The following SOD2 variants were observed in gnomAD, a reference collection of about 807,000 sequenced individuals.
The protein encoded by SOD2 is superoxide dismutase 2.
SOD2 carries 11 observed loss-of-function variants against 27.0 expected under a neutral mutation model. The observed-to-expected ratio is 0.41, with a 90% CI of 0.26 to 0.67. SOD2 has a LOEUF of 0.67. Among genes scored for constraint, SOD2 ranks in the 30% least tolerant of loss-of-function variants. The pLI is 0.34. For missense variants in SOD2, 250 were observed against 274.5 expected (o/e 0.91, Z 0.63); for synonymous variants, 105 against 103.0 (o/e 1.02, Z -0.12).
intron 2 of SOD2, among the ~76,000 whole-genome samples, chr6:159,689,850 C>T (rs1421582982): frequency 6.6e-6 from 1 of 152,090 alleles, no homozygotes; most frequent in Non-Finnish European, 1.5e-5. Flanking sequence ...ATCCCAGCTA[C>T]TCAGGAGCAT....
chr6:159,727,169 G>A, exon 1 of SOD2: 2 of 1,201,626 alleles, frequency 1.7e-6, no homozygotes, highest in Non-Finnish European at 2.1e-6. Context: ...CTCGCGCCAG[G>A]CTCCTGGGAA....
Position 159,710,769 on chromosome 6 carries a change from T to A in SOD2, c.-116+16360A>T, listed in dbSNP as rs773144814. On this transcript the variant is annotated intron_variant, in intron 1 of 2. Coordinates refer to the SOD2 transcript ENST00000401980. Reference sequence around the variant, plus strand: ...AACCACCACTCATACTGCTCTGACCTCCATAACCACCACTCAGCTGCTCTG... The same window carrying A: ...AACCACCACTCATACTGCTCTGACCACCATAACCACCACTCAGCTGCTCTG... 5.6e-4 allele frequency among the ~76,000 whole-genome samples: 70 copies of A among 124,194 alleles called. 1 individual carries two copies. The East Asian group carries it at 0.013, about 22-fold the overall frequency. 81.5% of individuals were successfully genotyped at this position (124,194 alleles called of 152,430 possible).
At chr6:159,742,785 G>A (rs771735945) in intron 1 of SOD2, among the ~76,000 whole-genome samples, 1 of 152,096 alleles carries the variant, frequency 6.6e-6, no homozygotes, top group Non-Finnish European at 1.5e-5. Flanking sequence ...GCTAGGCACA[G>A]TGGCTCACAC....
chr6:159,688,389 G>A (rs1295104897), intron 2 of SOD2, 147 bp from the exon 3 acceptor site: 12 of 581,462 alleles, frequency 2.1e-5, no homozygotes, highest in South Asian at 5.9e-5. Flanking sequence ...GCACCCCCCC[G>A]CCCCAAAATT....
intron 1 of SOD2, 91 bp downstream of exon 1, chr6:159,693,054 G>C: frequency 1.3e-6 from 2 of 1,493,088 alleles, no homozygotes; most frequent in Admixed American, 2.2e-5. Flanking sequence ...CGCCAGGCCC[G>C]GTGCGGCCAC....
upstream of SOD2, among the ~76,000 whole-genome samples, chr6:159,749,839 C>T (rs192308685): frequency 6.6e-6 from 1 of 152,242 alleles, no homozygotes; most frequent in Non-Finnish European, 1.5e-5. Flanking sequence ...CCATCCAATC[C>T]TGGAGGTGAA....
At chr6:159,716,516 G>A (rs905462311) in intron 1 of SOD2, among the ~76,000 whole-genome samples, 6 of 152,130 alleles carry the variant, frequency 3.9e-5, no homozygotes, top group African/African-American at 1.2e-4. Context: ...CAGAAGCCCC[G>A]AGAGATTTCC....
At chr6:159,696,686 G>C (rs1777426871), upstream of SOD2, among the ~76,000 whole-genome samples, 1 of 152,086 alleles carries the variant, frequency 6.6e-6, no homozygotes, top group Non-Finnish European at 1.5e-5. Context: ...GCTGCTCACT[G>C]GTCAAAATTT....
intron 1 of SOD2, among the ~76,000 whole-genome samples, chr6:159,716,471 C>T (rs940770320): frequency 2.6e-5 from 4 of 152,190 alleles, no homozygotes; most frequent in Non-Finnish European, 5.9e-5. Flanking sequence ...AAACATTTCA[C>T]CTCATGTGCC....
intron 1 of SOD2, among the ~76,000 whole-genome samples, chr6:159,752,920 A>G (rs576093243): frequency 6.6e-6 from 1 of 152,320 alleles, no homozygotes; most frequent in South Asian, 2.1e-4. Context: ...AATTTTTTGT[A>G]GAGTTGGAGT....
At chr6:159,717,289 T>C (rs1777938158) in intron 1 of SOD2, among the ~76,000 whole-genome samples, 1 of 152,108 alleles carries the variant, frequency 6.6e-6, no homozygotes, top group African/African-American at 2.4e-5. Flanking sequence ...CTATAATTAT[T>C]TTAGAATTAG....
chr6:159,713,940 C>T, intron 1 of SOD2: 1 of 859,262 alleles, frequency 1.2e-6, no homozygotes, highest in Non-Finnish European at 1.9e-6. Flanking sequence ...CAGGATAGGC[C>T]CTGGACCTTC....
intron 1 of SOD2, among the ~76,000 whole-genome samples, chr6:159,711,757 T>C (rs200493258): frequency 0.023 from 748 of 32,054 alleles, 1 homozygote; most frequent in Admixed American, 0.038. Context: ...ATTGCTCTGA[T>C]CACCATAACC....
intron 1 of SOD2, chr6:159,753,298 G>A (rs1779886664): frequency 9.6e-7 from 1 of 1,040,298 alleles, no homozygotes. Flanking sequence ...ATACTGAAAT[G>A]CAGAAGATGG....
chr6:159,730,254 T>C (rs1182602191), upstream of SOD2, among the ~76,000 whole-genome samples: 2 of 152,212 alleles, frequency 1.3e-5, no homozygotes, highest in African/African-American at 4.8e-5. Flanking sequence ...AAATGTGTGA[T>C]TCATAAGAAC....
chr6:159,694,217 T>C (rs5746083), upstream of SOD2, among the ~76,000 whole-genome samples: 1 of 152,230 alleles, frequency 6.6e-6, no homozygotes, highest in East Asian at 1.9e-4. Context: ...AGTAAGCTGT[T>C]AAGTATCAAG....
chr6:159,725,601 T>G (rs1320494693), intron 1 of SOD2: 3 of 137,774 alleles, frequency 2.2e-5, no homozygotes, highest in Non-Finnish European at 4.6e-5. Flanking sequence ...TGTTTCCTTT[T>G]TTATTTACTT....
intron 1 of SOD2, among the ~76,000 whole-genome samples, chr6:159,735,892 C>T (rs1477545834): frequency 6.6e-6 from 1 of 152,084 alleles, no homozygotes; most frequent in Non-Finnish European, 1.5e-5. Flanking sequence ...TTTATAGTCC[C>T]TTAGCAACAT....
intron 3 of SOD2, among the ~76,000 whole-genome samples, chr6:159,685,517 C>T (rs951782051): frequency 1.8e-4 from 27 of 152,136 alleles, no homozygotes; most frequent in Non-Finnish European, 2.9e-4. Context: ...GCTGGGAATA[C>T]AGGCGTGAGC....
Sources: allele counts gnomAD v4.1 joint callset (sites outside exome capture counted in the v4.1 genomes callset), GRCh38; gene constraint gnomAD v4.1.1; transcripts MANE v1.5; gene names NCBI Gene and HGNC (gene_info 2026-07-23, HGNC 2026-07-21).